Variants in RALA observed in about 807,000 individuals in gnomAD.
RALA encodes RAS like proto-oncogene A.
In RALA, 5 loss-of-function variants were observed where a neutral mutation model predicts 24.0. The ratio of observed to expected loss-of-function variants is 0.21; its 90% CI spans 0.11 to 0.44. RALA has a LOEUF of 0.44. Among genes scored for constraint, RALA ranks in the 20% least tolerant of loss-of-function variants. The pLI is 0.99. For missense variants in RALA, 95 were observed against 241.2 expected, an observed-to-expected ratio of 0.39 and a Z score of 4.01; for synonymous variants, 77 against 83.8, an observed-to-expected ratio of 0.92 and a Z score of 0.44.
intron 1 of RALA, among the ~76,000 whole-genome samples, chr7:39,679,450 C>T (rs1029695577): frequency 2.0e-5 from 3 of 152,098 alleles, no homozygotes; most frequent in African/African-American, 7.2e-5. Context: ...AACGTTATCC[C>T]AGTATAGCTT....
intron 1 of RALA, among the ~76,000 whole-genome samples, chr7:39,660,203 G>A (rs915608117): frequency 7.9e-5 from 12 of 151,950 alleles, no homozygotes; most frequent in South Asian, 4.2e-4. Context: ...AAAATTAGCC[G>A]GGTGTGGTGG....
In RALA at chr7:39,686,121, G is replaced by A. The variant is rs779501079; in HGVS notation, c.-37-510G>A. On this transcript the variant is annotated intron_variant, in intron 1 of 4. Transcript: ENST00000005257. ...CTCAGGAGGCTGAGGCACAAGAATC[G>A]CTTGAACCTGGGAGGTGGAGGCTAC... 1.7e-4 allele frequency among the ~76,000 whole-genome samples: 25 copies of A among 150,446 alleles called. 1 individual carries two copies. Among genetic ancestry groups the A allele is most frequent in the Admixed American group, 2.7e-4 (4 of 14,954 alleles).
At chr7:39,673,864 C>A (rs1483795047) in intron 1 of RALA, among the ~76,000 whole-genome samples, 1 of 151,806 alleles carries the variant, frequency 6.6e-6, no homozygotes, top group Admixed American at 6.6e-5. Context: ...AGAGGGTTGG[C>A]CAGACCTAGT....
At chr7:39,655,067 A>G (rs1031691536) in intron 1 of RALA, among the ~76,000 whole-genome samples, 4 of 152,164 alleles carry the variant, frequency 2.6e-5, no homozygotes, top group African/African-American at 9.7e-5. Flanking sequence ...CTTTTTTTGC[A>G]ATTGTATTTT....
At chr7:39,638,183 C>CT (rs1791717273) in intron 1 of RALA, among the ~76,000 whole-genome samples, 1 of 152,190 alleles carries the variant, frequency 6.6e-6, no homozygotes, top group African/African-American at 2.4e-5. Context: ...ACTCTAACCT[C>CT]TAACTCCTGG....
At chr7:39,668,886 C>T (rs1165932876) in intron 1 of RALA, among the ~76,000 whole-genome samples, 4 of 150,828 alleles carry the variant, frequency 2.7e-5, no homozygotes, top group Admixed American at 1.3e-4. Flanking sequence ...GAGGCCAAGG[C>T]GGGCGGATCA....
chr7:39,682,506 AAATC>A (rs1257487783), intron 1 of RALA, among the ~76,000 whole-genome samples: 3 of 152,218 alleles, frequency 2.0e-5, no homozygotes, highest in Admixed American at 1.3e-4. Flanking sequence ...AGTTCTAGTA[AAATC>A]CAAACACTTC....
intron 1 of RALA, among the ~76,000 whole-genome samples, chr7:39,635,917 G>A (rs1480427314): frequency 6.6e-6 from 1 of 152,172 alleles, no homozygotes; most frequent in Non-Finnish European, 1.5e-5. Context: ...CTACAGACTT[G>A]CCTATTCCAG....
chr7:39,665,320 T>C (rs1360694679), intron 1 of RALA, among the ~76,000 whole-genome samples: 1 of 152,212 alleles, frequency 6.6e-6, no homozygotes, highest in Non-Finnish European at 1.5e-5. Flanking sequence ...CTTAAAATTT[T>C]CTTAACATTA....
chr7:39,653,819 T>C (rs1329895897), intron 1 of RALA, among the ~76,000 whole-genome samples: 2 of 152,148 alleles, frequency 1.3e-5, no homozygotes, highest in African/African-American at 4.8e-5. Context: ...TCCTCCTGGG[T>C]GGATGTCTCA....
intron 1 of RALA, among the ~76,000 whole-genome samples, chr7:39,656,857 G>C (rs1464728476): frequency 2.0e-5 from 3 of 152,216 alleles, no homozygotes; most frequent in Non-Finnish European, 4.4e-5. Context: ...TCATTGGGGA[G>C]TTTCCAGTGA....
intron 1 of RALA, among the ~76,000 whole-genome samples, chr7:39,674,041 G>GTAAAAAAAAAAA (rs751747445): frequency 5.7e-4 from 28 of 48,894 alleles, no homozygotes; most frequent in African/African-American, 1.4e-3. Context: ...GGCATGCACT[G>GTAAAAAAAAAAA]TAAATAAATA....
chr7:39,695,014 A>G (rs1373156198), intron 3 of RALA, among the ~76,000 whole-genome samples: 1 of 151,940 alleles, frequency 6.6e-6, no homozygotes, highest in Non-Finnish European at 1.5e-5. Flanking sequence ...AGCCGTGATC[A>G]TGCCACTGCA....
At position 39,698,267 on chromosome 7, in the gene RALA, A is replaced by G. The variant is rs189708285; in HGVS notation, c.498+1408A>G. On this transcript the variant is annotated intron_variant, in intron 4 of 4. Coordinates refer to ENST00000005257, the MANE Select transcript of RALA (RefSeq NM_005402.4). The stretch of plus-strand genomic sequence containing the variant: ...CCATCACATAAGGAATTCGGGTTTC[A>G]GTATATGAATTTTGGGGTGACACAA... 3.3e-5 allele frequency among the ~76,000 whole-genome samples: 5 copies of G among 152,276 alleles called. No homozygotes were observed. The East Asian group carries it at 9.6e-4, about 29-fold the overall frequency.
At chr7:39,630,998 G>A (rs1791587893) in intron 1 of RALA, among the ~76,000 whole-genome samples, 2 of 133,416 alleles carry the variant, frequency 1.5e-5, no homozygotes, top group Non-Finnish European at 3.1e-5. Context: ...TTCATTGCTG[G>A]TTTTTTGTTT....
chr7:39,662,227 A>G (rs1443615350), intron 1 of RALA, among the ~76,000 whole-genome samples: 1 of 120,524 alleles, frequency 8.3e-6, no homozygotes, highest in Non-Finnish European at 2.0e-5. Context: ...TCTCTGACAT[A>G]CCCTGGAGAC....
At chr7:39,689,474 G>T (rs1374579317) in intron 2 of RALA, among the ~76,000 whole-genome samples, 1 of 152,186 alleles carries the variant, frequency 6.6e-6, no homozygotes, top group Non-Finnish European at 1.5e-5. Flanking sequence ...AATAGCATAT[G>T]CAAGGTCCCT....
In RALA at chr7:39,633,081, G is replaced by A. The variant is rs923382406; in HGVS notation, c.-38+9256G>A. ...CCCTTCTAGGCTAAAGCTGTCATAG[G>A]TCTATGAAAATCTAGGGATTCCCTT... is the stretch of plus-strand genomic sequence containing the variant. On this transcript the variant is annotated intron_variant, in intron 1 of 4. Transcript: ENST00000005257. Among the ~76,000 whole-genome samples the A allele has an allele frequency of 2.0e-5, 3 of 152,118 alleles. No individual in the cohort carries two copies. The East Asian group carries it at 5.8e-4, about 29-fold the overall frequency.
intron 1 of RALA, among the ~76,000 whole-genome samples, chr7:39,649,690 C>T (rs1791988246): frequency 1.3e-5 from 2 of 152,074 alleles, no homozygotes; most frequent in Non-Finnish European, 1.5e-5. Context: ...TTATAAATTA[C>T]CCAGGCTTAC....
Sources: allele counts gnomAD v4.1 joint callset (sites outside exome capture counted in the v4.1 genomes callset), GRCh38; gene constraint gnomAD v4.1.1; transcripts MANE v1.5; gene names NCBI Gene and HGNC (gene_info 2026-07-23, HGNC 2026-07-21).